The following KDM4C variants were observed in gnomAD, a reference collection of about 807,000 sequenced individuals.
The protein encoded by KDM4C is lysine-specific demethylase 4C.
Under a neutral mutation model 129.3 loss-of-function variants are expected in KDM4C, and 81 were observed. That is an observed-to-expected ratio of 0.63 (90% confidence interval 0.52 to 0.75). The LOEUF is 0.75. Ranked by LOEUF, KDM4C falls within the 30% of genes least tolerant of loss-of-function variation. The pLI is 0.00. For synonymous variants in KDM4C, 573 were observed against 456.1 expected (o/e 1.26, Z -3.26); for missense variants, 1,457 against 1,304.0 (o/e 1.12, Z -1.81).
At chr9:6,808,564 C>T (rs1830560286) in intron 3 of KDM4C, among the ~76,000 whole-genome samples, 1 of 148,572 alleles carries the variant, frequency 6.7e-6, no homozygotes, top group South Asian at 2.2e-4. Flanking sequence ...TGCGGAAGGC[C>T]TCAGGGTCCT....
At chr9:6,896,351 T>C (rs553314776) in intron 8 of KDM4C, among the ~76,000 whole-genome samples, 1 of 152,278 alleles carries the variant, frequency 6.6e-6, no homozygotes, top group Admixed American at 6.5e-5. Context: ...ACATGGGGTT[T>C]ATTGAATGTG....
intron 1 of KDM4C, among the ~76,000 whole-genome samples, chr9:6,790,302 G>A (rs1224556655): frequency 6.6e-6 from 1 of 150,788 alleles, no homozygotes; most frequent in Non-Finnish European, 1.5e-5. Flanking sequence ...GTGCAGTGGC[G>A]TGATCTGGGC....
chr9:6,848,939 C>T (rs1011759347), intron 4 of KDM4C, among the ~76,000 whole-genome samples: 2 of 152,016 alleles, frequency 1.3e-5, no homozygotes, highest in South Asian at 2.1e-4. Context: ...TGGATACTGC[C>T]AAGAGTTTTT....
chr9:6,751,417 G>C (rs1818060757), intron 1 of KDM4C, among the ~76,000 whole-genome samples: 1 of 152,088 alleles, frequency 6.6e-6, no homozygotes, highest in African/African-American at 2.4e-5. Flanking sequence ...CTGCGCTCCA[G>C]CCTGGGTAAC....
At chr9:6,884,124 C>T (rs981700126) in intron 6 of KDM4C, among the ~76,000 whole-genome samples, 4 of 152,174 alleles carry the variant, frequency 2.6e-5, no homozygotes, top group African/African-American at 4.8e-5. Context: ...TCTCCTGGCA[C>T]TCCTCCTGGA....
intron 18 of KDM4C, among the ~76,000 whole-genome samples, chr9:7,126,303 G>A (rs1168858759): frequency 6.6e-6 from 1 of 152,176 alleles, no homozygotes; most frequent in East Asian, 1.9e-4. Flanking sequence ...GTATGAGCTG[G>A]TAATTGAACT....
intron 3 of KDM4C, among the ~76,000 whole-genome samples, chr9:6,809,253 A>G (rs2131077910): frequency 6.6e-6 from 1 of 152,360 alleles, no homozygotes; most frequent in South Asian, 2.1e-4. Context: ...CGAGAACATG[A>G]AACTTTCAAC....
intron 15 of KDM4C, among the ~76,000 whole-genome samples, chr9:7,038,696 C>A (rs1587139883): frequency 6.6e-6 from 1 of 151,950 alleles, no homozygotes; most frequent in Non-Finnish European, 1.5e-5. Flanking sequence ...AGAAGTCAGC[C>A]TGCTGAGTCA....
At chr9:6,777,655 T>G (rs1015244738) in intron 1 of KDM4C, among the ~76,000 whole-genome samples, 1 of 152,086 alleles carries the variant, frequency 6.6e-6, no homozygotes, top group African/African-American at 2.4e-5. Flanking sequence ...TTTTTGAGAC[T>G]TAGTCTTGCT....
At chr9:7,059,350 G>T (rs1473929288) in intron 17 of KDM4C, among the ~76,000 whole-genome samples, 2 of 152,084 alleles carry the variant, frequency 1.3e-5, no homozygotes, top group Non-Finnish European at 2.9e-5. Context: ...CAGTCCTCCC[G>T]CCTCGACCTC....
At chr9:6,939,259 G>C (rs1344966183) in intron 8 of KDM4C, among the ~76,000 whole-genome samples, 2 of 152,028 alleles carry the variant, frequency 1.3e-5, no homozygotes, top group East Asian at 2.0e-4. Context: ...TGTGAACCCT[G>C]TTGTGAACTG....
intron 15 of KDM4C, among the ~76,000 whole-genome samples, chr9:7,025,225 CT>C (rs1825609699): frequency 6.6e-6 from 1 of 152,030 alleles, no homozygotes; most frequent in Non-Finnish European, 1.5e-5. Flanking sequence ...TTTTTTTCAT[CT>C]GCTTATTTTC....
At chr9:6,908,945 G>A (rs528524063) in intron 8 of KDM4C, among the ~76,000 whole-genome samples, 1 of 152,140 alleles carries the variant, frequency 6.6e-6, no homozygotes, top group East Asian at 1.9e-4. Context: ...TTCTTTCTAC[G>A]AGGTATTGAT....
chr9:7,123,871 T>C (rs761712385), intron 18 of KDM4C, among the ~76,000 whole-genome samples: 1 of 152,106 alleles, frequency 6.6e-6, no homozygotes, highest in Non-Finnish European at 1.5e-5. Context: ...TGGCAGTGAT[T>C]TGGGGCTGGA....
At chr9:6,722,575 G>A (rs757909396) in intron 1 of KDM4C, among the ~76,000 whole-genome samples, 4 of 151,346 alleles carry the variant, frequency 2.6e-5, no homozygotes, top group South Asian at 4.2e-4. Flanking sequence ...GTGCAATGGC[G>A]CGATCTCGGC....
chr9:6,949,889 C>T (rs1232785367), intron 8 of KDM4C, among the ~76,000 whole-genome samples: 1 of 152,046 alleles, frequency 6.6e-6, no homozygotes, highest in Non-Finnish European at 1.5e-5. Flanking sequence ...TTAATGAAGC[C>T]AAAGAATCAG....
intron 18 of KDM4C, among the ~76,000 whole-genome samples, chr9:7,110,590 C>T (rs1372474268): frequency 1.3e-5 from 2 of 152,156 alleles, no homozygotes; most frequent in African/African-American, 2.4e-5. Flanking sequence ...TCATCCTCTA[C>T]GCGCTTGGAT....
At chr9:6,782,024 C>T (rs1783887337) in intron 1 of KDM4C, among the ~76,000 whole-genome samples, 1 of 152,002 alleles carries the variant, frequency 6.6e-6, no homozygotes, top group South Asian at 2.1e-4. Flanking sequence ...AGGGTTTCAC[C>T]ATGTTGGCCC....
At chr9:6,861,026 C>G (rs1428223196) in intron 5 of KDM4C, among the ~76,000 whole-genome samples, 5 of 152,138 alleles carry the variant, frequency 3.3e-5, no homozygotes, top group Admixed American at 6.5e-5. Flanking sequence ...GCATTTCCAG[C>G]AAGTGATTGA....
Sources: gnomAD v4.1 joint callset for allele counts (sites outside exome capture counted in the v4.1 genomes callset) on GRCh38, gnomAD v4.1.1 for gene constraint, MANE v1.5 for transcripts, NCBI Gene and HGNC (gene_info 2026-07-23, HGNC 2026-07-21) for gene names.